Variants in NUP155 observed in about 807,000 individuals in gnomAD.
NUP155 encodes the protein nuclear pore complex protein Nup155.
NUP155 carries 71 observed loss-of-function variants against 180.4 expected under a neutral mutation model. The observed-to-expected ratio is 0.39, with a 90% CI of 0.33 to 0.48. NUP155 has a LOEUF of 0.48. Ranked by LOEUF, NUP155 falls within the 20% of genes least tolerant of loss-of-function variation. NUP155 has a pLI of 0.91. For synonymous variants in NUP155, 582 were observed against 559.5 expected, an observed-to-expected ratio of 1.04 and a Z score of -0.57; for missense variants, 1,553 against 1,648.9, an observed-to-expected ratio of 0.94 and a Z score of 1.01.
At chr5:37,327,953 CAT>C (rs1366389601) in intron 17 of NUP155, among the ~76,000 whole-genome samples, 177 bp from the exon 18 acceptor site, 1 of 152,082 alleles carries the variant, frequency 6.6e-6, no homozygotes, top group Admixed American at 6.6e-5. Flanking sequence ...CAATGAAATA[CAT>C]AGATATTTAA....
intron 10 of NUP155, 63 bp from the exon 11 acceptor site, chr5:37,341,305 T>C (rs769559714): frequency 1.4e-4 from 197 of 1,360,826 alleles, no homozygotes; most frequent in Middle Eastern, 8.9e-4. Context: ...AAATGTGTTA[T>C]TGAAGCAATT....
At chr5:37,323,724 G>A (rs1052427809) in intron 20 of NUP155, among the ~76,000 whole-genome samples, 20 of 151,290 alleles carry the variant, frequency 1.3e-4, no homozygotes, top group African/African-American at 4.6e-4. Flanking sequence ...AGGCAGATCT[G>A]TGGAGACAGA....
intron 11 of NUP155, among the ~76,000 whole-genome samples, chr5:37,338,360 T>C (rs1322765970): frequency 6.6e-6 from 1 of 151,594 alleles, no homozygotes; most frequent in East Asian, 1.9e-4. Context: ...ACACGTACTT[T>C]TATGCCAACT....
intron 24 of NUP155, among the ~76,000 whole-genome samples, chr5:37,308,724 TA>T (rs1185646204): frequency 6.8e-6 from 1 of 146,060 alleles, no homozygotes; most frequent in East Asian, 2.0e-4. Context: ...AATAAAAAAA[TA>T]AAAAATTAGC....
chr5:37,370,187 T>A (rs935393405), intron 1 of NUP155, among the ~76,000 whole-genome samples: 1 of 152,104 alleles, frequency 6.6e-6, no homozygotes, highest in Non-Finnish European at 1.5e-5. Flanking sequence ...CAGGCCAATA[T>A]GGTGAAACCC....
chr5:37,301,536 T>C lies in NUP155; in HGVS notation c.3462A>G (p.Gln1154=), dbSNP rs559317650. 5 of 1,610,804 alleles carry C rather than the reference T, an allele frequency of 3.1e-6. No individual in the cohort carries two copies. The South Asian group carries it at 3.3e-5, about 11-fold the overall frequency. Residue 1154 remains glutamine, a synonymous_variant, in exon 30 of 35, where the codon CAA becomes CAG. Transcript: ENST00000231498. ...LEEKMEVARI[Q]LQIQETLQRQ... Reference sequence around the variant, plus strand: ...TTTGTAGTGTCTCCTGTATCTGAAGTTGGATCCTAGCAACCTAGTTTGGGC... The same window carrying C: ...TTTGTAGTGTCTCCTGTATCTGAAGCTGGATCCTAGCAACCTAGTTTGGGC...
chr5:37,323,072 G>A (rs1434577860), intron 20 of NUP155, among the ~76,000 whole-genome samples: 1 of 151,990 alleles, frequency 6.6e-6, no homozygotes, highest in African/African-American at 2.4e-5. Context: ...GATGAGGTCA[G>A]GAGTTCAAGA....
At chr5:37,358,947 G>T (rs1449752650) in intron 3 of NUP155, among the ~76,000 whole-genome samples, 3 of 150,150 alleles carry the variant, frequency 2.0e-5, no homozygotes, top group African/African-American at 7.4e-5. Context: ...AACCCGGGAG[G>T]CAGAGTTGCA....
intron 4 of NUP155, 29 bp downstream of exon 4, chr5:37,358,052 A>G: frequency 6.7e-7 from 1 of 1,490,312 alleles, no homozygotes; most frequent in South Asian, 1.1e-5. Flanking sequence ...ATACAAACAT[A>G]ATCTCTTCCT....
At chr5:37,351,871 AGT>A (rs141685160) in intron 5 of NUP155, among the ~76,000 whole-genome samples, 3,420 of 148,224 alleles carry the variant, frequency 0.023, 106 homozygotes, top group African/African-American at 0.075. Context: ...AGAGTGTGTG[AGT>A]GTGTGTGTGT....
At position 37,349,156 on chromosome 5, in the gene NUP155, T is replaced by C; in HGVS notation, c.903+16A>G. On this transcript the variant is annotated intron_variant, in intron 8 of 34. Coordinates refer to ENST00000231498, the MANE Select transcript of NUP155 (RefSeq NM_153485.3). Reference sequence around the variant, plus strand: ...ATTTATTTGACTCTTAATGGTATAATAATATTAATACTAACCTGTATTACT... The same window carrying C: ...ATTTATTTGACTCTTAATGGTATAACAATATTAATACTAACCTGTATTACT... 3.5e-6 allele frequency: 2 copies of C among 578,010 alleles called. No individual in the cohort carries two copies. The highest frequency in any genetic ancestry group is 5.0e-5 in the South Asian group (2 of 39,892). The allele number at this position is 578,010 out of a possible 1,614,324, so 35.8% of individuals were successfully genotyped here.
intron 20 of NUP155, among the ~76,000 whole-genome samples, chr5:37,321,638 G>C (rs1363808015): frequency 6.6e-6 from 1 of 151,690 alleles, no homozygotes; most frequent in African/African-American, 2.4e-5. Flanking sequence ...AACTGCTTGA[G>C]CCCAGGAGGC....
At chr5:37,316,511 C>A (rs1176376481) in intron 21 of NUP155, among the ~76,000 whole-genome samples, 2 of 152,134 alleles carry the variant, frequency 1.3e-5, no homozygotes, top group Non-Finnish European at 2.9e-5. Flanking sequence ...GTTGCCCAGG[C>A]TAGGGTGCAA....
At chr5:37,297,896 G>C (rs1309696340) in intron 32 of NUP155, among the ~76,000 whole-genome samples, 2 of 149,006 alleles carry the variant, frequency 1.3e-5, no homozygotes, top group African/African-American at 5.0e-5. Flanking sequence ...TAGACCCTAA[G>C]TCAGAGATGG....
chr5:37,364,312 T>A lies in NUP155; in HGVS notation c.230A>T (p.Asn77Ile). The A allele has an allele frequency of 6.2e-7, 1 of 1,612,138 alleles. No individual in the cohort carries two copies. ...TCGGATGGAACTGATCTCTGGAAGG[T>A]TGGGTACGGACAGCAAACCAGGTCC... is the stretch of plus-strand genomic sequence containing the variant. ...LQGPGLLSVP[N>I]LPEISSIRRV... Residue 77 changes from asparagine (N) to isoleucine (I), a missense_variant, in exon 2 of 35, where the codon AAC becomes ATC. Transcript: ENST00000231498.
intron 17 of NUP155, among the ~76,000 whole-genome samples, chr5:37,328,103 G>C (rs1561787916): frequency 6.6e-6 from 1 of 152,192 alleles, no homozygotes; most frequent in African/African-American, 2.4e-5. Flanking sequence ...AAATAGAACT[G>C]ATTACACAGA....
intron 11 of NUP155, 79 bp from the exon 12 acceptor site, chr5:37,337,997 T>A (rs1037166189): frequency 2.1e-6 from 2 of 938,714 alleles, no homozygotes; most frequent in Non-Finnish European, 3.4e-6. Context: ...ATTAGGTTAG[T>A]GCAAAAGCAA....
intron 20 of NUP155, among the ~76,000 whole-genome samples, chr5:37,320,610 T>C (rs1744184997): frequency 6.6e-6 from 1 of 151,978 alleles, no homozygotes; most frequent in African/African-American, 2.4e-5. Flanking sequence ...TCTGTGACAA[T>C]TCAAGAAACA....
chr5:37,350,935 T>C (rs1269866599), intron 6 of NUP155, among the ~76,000 whole-genome samples: 1 of 151,792 alleles, frequency 6.6e-6, no homozygotes, highest in African/African-American at 2.4e-5. Flanking sequence ...CAAACACATA[T>C]GCATAGATAT....
Sources: allele counts gnomAD v4.1 joint callset (sites outside exome capture counted in the v4.1 genomes callset), GRCh38; gene constraint gnomAD v4.1.1; transcripts MANE v1.5; gene names NCBI Gene and HGNC (gene_info 2026-07-23, HGNC 2026-07-21).